The following TANK variants were observed in gnomAD, a reference collection of about 807,000 sequenced individuals.
The protein encoded by TANK is TRAF family member associated NFKB activator.
A neutral mutation model predicts 43.6 loss-of-function variants in TANK; 15 were observed. The observed-to-expected ratio is 0.34, with a 90% confidence interval of 0.23 to 0.53. TANK has a LOEUF of 0.53. Among genes scored for constraint, TANK ranks in the 20% least tolerant of loss-of-function variants. TANK has a pLI of 0.94. For synonymous variants in TANK, 162 were observed against 178.2 expected (o/e 0.91, Z 0.73); for missense variants, 417 against 498.6 (o/e 0.84, Z 1.56).
At chr2:161,166,235 A>C (rs1684672981) in intron 1 of TANK, among the ~76,000 whole-genome samples, 1 of 152,256 alleles carries the variant, frequency 6.6e-6, no homozygotes, top group Admixed American at 6.5e-5. Flanking sequence ...ATGATATTTA[A>C]GGTTTCTATT....
rs1688135140 is a variant in TANK, at chr2:161,235,467, CA to C, written c.1228del (p.Arg410GlyfsTer29). ...CAGTTTTCCCACCATCCATTACATC[CA>C]GGGGGGATTTCCTTCGGCATCTTAA... is the stretch of plus-strand genomic sequence containing the variant. ...QAVFPPSITS[R>X]GDFLRHLNSH... On this transcript the variant is annotated frameshift_variant, in exon 8 of 8. Transcript: ENST00000392749. LOFTEE classifies it high-confidence loss of function. 6.2e-7 allele frequency: 1 copy of C among 1,613,742 alleles called. No individual in the cohort carries two copies. The highest frequency in any genetic ancestry group is 1.3e-5 in the African/African-American group (1 of 74,894).
At chr2:161,201,591 A>G (rs189862254) in intron 2 of TANK, among the ~76,000 whole-genome samples, 1 of 152,352 alleles carries the variant, frequency 6.6e-6, no homozygotes, top group African/African-American at 2.4e-5. Context: ...ATGTTTGTGA[A>G]GAACTTTGAG....
chr2:161,138,478 A>G (rs1683650332), intron 1 of TANK, among the ~76,000 whole-genome samples: 1 of 152,206 alleles, frequency 6.6e-6, no homozygotes, highest in African/African-American at 2.4e-5. Flanking sequence ...TGACTTGGCC[A>G]TGTTCACGCA....
chr2:161,160,380 A>T (rs1573959376), upstream of TANK: 2 of 1,220,910 alleles, frequency 1.6e-6, no homozygotes, highest in East Asian at 6.3e-5. Context: ...CTCCGCGCGC[A>T]GGCACTGCCC....
intron 1 of TANK, chr2:161,139,699 T>TAA: frequency 1.0e-6 from 1 of 985,438 alleles, no homozygotes. Context: ...ACCTCTTCTC[T>TAA]ATTATTTTGG....
At chr2:161,140,721 C>T (rs1683722156) in intron 1 of TANK, among the ~76,000 whole-genome samples, 1 of 151,998 alleles carries the variant, frequency 6.6e-6, no homozygotes, top group Non-Finnish European at 1.5e-5. Context: ...CATCTTACAA[C>T]TTCTGATACA....
intron 1 of TANK, among the ~76,000 whole-genome samples, chr2:161,174,360 C>T (rs911006067): frequency 1.3e-5 from 2 of 152,116 alleles, no homozygotes; most frequent in African/African-American, 4.8e-5. Flanking sequence ...TTTCATATCA[C>T]ATATTTTTAC....
intron 2 of TANK, among the ~76,000 whole-genome samples, chr2:161,186,257 A>G (rs538183220): frequency 1.8e-4 from 28 of 152,354 alleles, no homozygotes; most frequent in Admixed American, 9.1e-4. Context: ...CCCTTACCAG[A>G]CAGTCCATTT....
At chr2:161,205,199 G>A (rs916906597) in intron 4 of TANK, among the ~76,000 whole-genome samples, 6 of 151,988 alleles carry the variant, frequency 3.9e-5, no homozygotes, top group Non-Finnish European at 7.4e-5. Flanking sequence ...AATGGCACAC[G>A]CCTGCAGTCC....
Position 161,169,707 on chromosome 2 carries a change from G to A in TANK, c.-50+9221G>A, listed in dbSNP as rs1052237074. Among the ~76,000 whole-genome samples, 6 of 152,282 alleles carry A rather than the reference G, an allele frequency of 3.9e-5. No homozygotes were observed. In the East Asian group the frequency reaches 5.8e-4, roughly 15 times the overall value. On this transcript the variant is annotated intron_variant, in intron 1 of 7. Transcript: ENST00000392749. ...ACACAACTCATTAAGATATAGGTAC[G>A]TATAGCTCTGATTAAAATAAAAAAT...
chr2:161,201,479 T>C, intron 2 of TANK: 1 of 173,194 alleles, frequency 5.8e-6, no homozygotes, highest in Non-Finnish European at 1.1e-5. Context: ...TCTGCGCCTG[T>C]CTCTAACTTG....
rs192448861 is a variant in TANK, at chr2:161,225,012, A to C, written c.520+266A>C. Among the ~76,000 whole-genome samples the C allele has an allele frequency of 1.3e-3, 201 of 152,214 alleles. 4 individuals carry two copies. In the East Asian group the frequency reaches 0.035, roughly 26 times the overall value. ...ACTAATTATCTTAATGAGACATCCC[A>C]CCTTAAAAAAATACAAAATAAATAC... On this transcript the variant is annotated intron_variant, in intron 6 of 7. Coordinates refer to ENST00000392749, the MANE Select transcript of TANK (RefSeq NM_001199135.3).
At chr2:161,154,515 G>A (rs543905582) in intron 1 of TANK, among the ~76,000 whole-genome samples, 55 of 152,288 alleles carry the variant, frequency 3.6e-4, no homozygotes, top group African/African-American at 1.3e-3. Context: ...TAGGAGGTTA[G>A]CATTGAAACT....
chr2:161,187,232 C>T (rs1685702938), intron 2 of TANK, among the ~76,000 whole-genome samples: 1 of 152,008 alleles, frequency 6.6e-6, no homozygotes, highest in Admixed American at 6.6e-5. Context: ...TTAAGACCAG[C>T]CTGGGCCAAC....
chr2:161,186,864 A>G (rs1685684176), intron 2 of TANK, among the ~76,000 whole-genome samples: 1 of 152,228 alleles, frequency 6.6e-6, no homozygotes, highest in Non-Finnish European at 1.5e-5. Flanking sequence ...AAAGATCTGA[A>G]TAGACATTTC....
At chr2:161,169,338 AAG>A (rs1460295412) in intron 1 of TANK, among the ~76,000 whole-genome samples, 1 of 152,234 alleles carries the variant, frequency 6.6e-6, no homozygotes, top group Non-Finnish European at 1.5e-5. Flanking sequence ...TCAGGGAAAA[AAG>A]TTTTCAGAAA....
At chr2:161,199,124 CT>C (rs1161208608) in intron 2 of TANK, among the ~76,000 whole-genome samples, 2 of 152,000 alleles carry the variant, frequency 1.3e-5, no homozygotes, top group African/African-American at 4.8e-5. Flanking sequence ...AATTATCTTC[CT>C]TCATGAACTG....
chr2:161,202,700 A>C (rs1686475613), intron 2 of TANK, among the ~76,000 whole-genome samples: 1 of 152,136 alleles, frequency 6.6e-6, no homozygotes, highest in Admixed American at 6.5e-5. Context: ...AGGGATAGAA[A>C]TTGGTTAAAA....
At position 161,184,002 on chromosome 2, in the gene TANK, A is replaced by G. The variant is rs534879159; in HGVS notation, c.99+4241A>G. On this transcript the variant is annotated intron_variant, in intron 2 of 7. Transcript: ENST00000392749. ...GAGAAGAGACACTTGGTCTATGAGA[A>G]TCAGTTAATAAGCTCAATGTGAGTC... Among the ~76,000 whole-genome samples, 10 of 152,248 alleles carry G rather than the reference A, an allele frequency of 6.6e-5. No homozygotes were observed. In the South Asian group the frequency reaches 1.9e-3, roughly 28 times the overall value.
Sources: allele counts gnomAD v4.1 joint callset (sites outside exome capture counted in the v4.1 genomes callset), GRCh38; gene constraint gnomAD v4.1.1; transcripts MANE v1.5; gene names NCBI Gene and HGNC (gene_info 2026-07-23, HGNC 2026-07-21).